The following SMG6 variants were observed in gnomAD, a reference collection of about 807,000 sequenced individuals.
The protein encoded by SMG6 is telomerase-binding protein EST1A.
SMG6 carries 66 observed loss-of-function variants against 142.2 expected under a neutral mutation model. The observed-to-expected ratio is 0.46, with a 90% confidence interval of 0.38 to 0.57. The LOEUF (loss-of-function observed/expected upper bound fraction) is 0.57. Among genes scored for constraint, SMG6 ranks in the 20% least tolerant of loss-of-function variants. The probability of loss-of-function intolerance (pLI) is 0.00; values close to 1 mark genes in which losing one functional copy is unlikely to be tolerated. For synonymous variants in SMG6, 779 were observed against 702.4 expected (o/e 1.11, Z -1.72); for missense variants, 1,793 against 1,832.0 (o/e 0.98, Z 0.39).
intron 9 of SMG6, among the ~76,000 whole-genome samples, chr17:2,239,774 T>C (rs553175388): frequency 2.0e-5 from 3 of 152,258 alleles, no homozygotes; most frequent in Non-Finnish European, 2.9e-5. Context: ...TTTAAGAACA[T>C]CTGTTAATTT....
chr17:2,094,220 TGAG>T (rs1567592956), intron 13 of SMG6, among the ~76,000 whole-genome samples: 2 of 152,082 alleles, frequency 1.3e-5, no homozygotes, highest in African/African-American at 2.4e-5. Context: ...GTTGAGGGTT[TGAG>T]GAGGCCCTGC....
At chr17:2,280,983 A>G (rs1003012491) in intron 8 of SMG6, among the ~76,000 whole-genome samples, 8 of 152,260 alleles carry the variant, frequency 5.3e-5, no homozygotes, top group Admixed American at 1.3e-4. Flanking sequence ...GAGGCAGGAA[A>G]ATCACTGGAA....
intron 14 of SMG6, among the ~76,000 whole-genome samples, chr17:2,083,209 C>T (rs896598459): frequency 3.3e-5 from 5 of 152,160 alleles, no homozygotes; most frequent in Admixed American, 6.5e-5. Context: ...CAGGCCCACC[C>T]TAGATCTGTT....
At chr17:2,259,660 G>A (rs184308278) in intron 8 of SMG6, among the ~76,000 whole-genome samples, 3,923 of 132,934 alleles carry the variant, frequency 0.03, 79 homozygotes, top group South Asian at 0.081. Context: ...GTGACAAAAC[G>A]AGACCCTGTC....
chr17:2,302,882 A>G, intron 1 of SMG6: 4 of 784,290 alleles, frequency 5.1e-6, no homozygotes, highest in Non-Finnish European at 6.2e-6. Context: ...TTAATAATCC[A>G]ATTATGTTAA....
intron 4 of SMG6, among the ~76,000 whole-genome samples, chr17:2,293,843 T>C (rs1291030534): frequency 6.6e-6 from 1 of 152,312 alleles, no homozygotes; most frequent in East Asian, 1.9e-4. Flanking sequence ...CGGCATTACA[T>C]TACCTTCACC....
intron 10 of SMG6, among the ~76,000 whole-genome samples, chr17:2,235,109 C>T (rs1221455253): frequency 1.3e-5 from 2 of 152,168 alleles, no homozygotes; most frequent in Non-Finnish European, 2.9e-5. Context: ...CTTTGGGCCT[C>T]ACCAGCACAG....
rs145807526 is a variant in SMG6 at position 2,172,667 on chromosome 17, G to T, written c.3348C>A (p.Thr1116=). 6.2e-7 allele frequency: 1 copy of T among 1,613,484 alleles called. No homozygotes were observed. The highest frequency in any genetic ancestry group is 1.1e-5 in the South Asian group (1 of 91,042). Reference sequence around the variant, plus strand: ...TTGGCCTGGGGCTGACCTTATCCGAGGTTTTCTCCACGTAGCAGGGGTCCT... The same window carrying T: ...TTGGCCTGGGGCTGACCTTATCCGATGTTTTCTCCACGTAGCAGGGGTCCT... The part of the protein sequence containing the change: ...APQDPCYVEK[T]SDKVIAADCK... Residue 1116 remains threonine (T), a synonymous_variant, in exon 13 of 19, where the codon ACC becomes ACA. Transcript: ENST00000263073.
At chr17:2,235,497 G>C (rs2073625121) in intron 10 of SMG6, among the ~76,000 whole-genome samples, 1 of 152,136 alleles carries the variant, frequency 6.6e-6, no homozygotes, top group South Asian at 2.1e-4. Flanking sequence ...CATGGTGAGA[G>C]AAAGTGCTAT....
At chr17:2,126,532 C>A (rs1031523455) in intron 13 of SMG6, among the ~76,000 whole-genome samples, 3 of 151,680 alleles carry the variant, frequency 2.0e-5, no homozygotes, top group African/African-American at 7.3e-5. Context: ...TGAGACCAGA[C>A]TGGCCAACAT....
At chr17:2,089,416 G>A (rs2068652903) in intron 13 of SMG6, among the ~76,000 whole-genome samples, 2 of 152,120 alleles carry the variant, frequency 1.3e-5, no homozygotes, top group Admixed American at 6.6e-5. Context: ...TCACAGTCCT[G>A]ACCCTTCTGG....
At chr17:2,161,407 TA>T (rs2071174704) in intron 13 of SMG6, among the ~76,000 whole-genome samples, 1 of 151,682 alleles carries the variant, frequency 6.6e-6, no homozygotes, top group East Asian at 1.9e-4. Context: ...TCCCGGCCTT[TA>T]TTTATTTATT....
At chr17:2,168,001 G>A (rs2071392811) in intron 13 of SMG6, among the ~76,000 whole-genome samples, 1 of 151,984 alleles carries the variant, frequency 6.6e-6, no homozygotes. Flanking sequence ...CTGAGTAGCT[G>A]GGACTACAGG....
intron 13 of SMG6, among the ~76,000 whole-genome samples, chr17:2,161,816 A>G (rs1024889635): frequency 2.6e-5 from 4 of 152,232 alleles, no homozygotes; most frequent in African/African-American, 9.7e-5. Flanking sequence ...AGAACATTCA[A>G]TCCAGAGGGA....
chr17:2,064,481 G>C (rs2067879204), intron 18 of SMG6, among the ~76,000 whole-genome samples: 1 of 152,192 alleles, frequency 6.6e-6, no homozygotes, highest in Non-Finnish European at 1.5e-5. Context: ...CAGTCCTCAA[G>C]CTCTCACCAA....
At chr17:2,251,690 C>G (rs771957799) in intron 8 of SMG6, among the ~76,000 whole-genome samples, 9 of 152,160 alleles carry the variant, frequency 5.9e-5, no homozygotes, top group Non-Finnish European at 1.3e-4. Context: ...AGCCAGCAGA[C>G]TGAGGGAAAT....
Position 2,061,400 on chromosome 17 carries a change from G to T in SMG6, c.*92C>A. On this transcript the variant is annotated 3_prime_UTR_variant, in exon 19 of 19. Transcript: ENST00000263073. ...GGTTTATTGTCTGGGTGGATTGGTG[G>T]CTCAGGCACGTGGGCATCTTCCGTG... 2 of 1,275,078 alleles carry T rather than the reference G, an allele frequency of 1.6e-6. No individual in the cohort carries two copies. Among genetic ancestry groups the T allele is most frequent in the Non-Finnish European group, 2.2e-6 (2 of 928,172 alleles). 79.0% of individuals were successfully genotyped at this position (1,275,078 alleles called of 1,614,324 possible). A position where few individuals can be genotyped will look rare whatever the true frequency, so the allele number is the denominator to read the frequency against.
chr17:2,127,344 A>C (rs1218704184), intron 13 of SMG6: 1 of 515,034 alleles, frequency 1.9e-6, no homozygotes, highest in Non-Finnish European at 3.8e-6. Flanking sequence ...CTGTGAATGT[A>C]CTTAATGCCA....
chr17:2,080,498 A>C (rs1258671125), intron 15 of SMG6, among the ~76,000 whole-genome samples: 1 of 152,264 alleles, frequency 6.6e-6, no homozygotes, highest in Non-Finnish European at 1.5e-5. Flanking sequence ...CAGGGTGATT[A>C]GACAAATATC....
Sources: gnomAD v4.1 joint callset for allele counts (sites outside exome capture counted in the v4.1 genomes callset) on GRCh38, gnomAD v4.1.1 for gene constraint, MANE v1.5 for transcripts, NCBI Gene and HGNC (gene_info 2026-07-23, HGNC 2026-07-21) for gene names.